VWA3B: variants seen among roughly 807,000 people sequenced by gnomAD.
VWA3B encodes von Willebrand factor A domain containing 3B, also known as von Willebrand factor A domain-containing protein 3B.
A neutral mutation model predicts 158.3 loss-of-function variants in VWA3B; 138 were observed. The observed-to-expected ratio is 0.87, with a 90% CI of 0.76 to 1.00. The LOEUF (loss-of-function observed/expected upper bound fraction) is 1.00, where lower values mean the gene tolerates loss of function less well. Ranked by LOEUF, VWA3B falls within the 50% of genes least tolerant of loss-of-function variation. The pLI, the probability that VWA3B is intolerant of heterozygous loss-of-function variation, is 0.00. For missense variants in VWA3B, 1,555 were observed against 1,565.1 expected (o/e 0.99, Z 0.11); for synonymous variants, 596 against 587.3 (o/e 1.01, Z -0.21).
intron 9 of VWA3B, among the ~76,000 whole-genome samples, chr2:98,184,805 C>T (rs1050760170): frequency 2.0e-5 from 3 of 152,220 alleles, no homozygotes; most frequent in Non-Finnish European, 4.4e-5. Context: ...GTGGTGGCCT[C>T]CTTGCTCCTG....
At chr2:98,213,668 G>T (rs548630186) in intron 13 of VWA3B, among the ~76,000 whole-genome samples, 13 of 152,280 alleles carry the variant, frequency 8.5e-5, no homozygotes, top group Non-Finnish European at 1.8e-4. Context: ...AAGTAGGCTT[G>T]GGGGTGGCTG....
At chr2:98,153,633 C>T (rs1488354296) in intron 7 of VWA3B, among the ~76,000 whole-genome samples, 3 of 152,162 alleles carry the variant, frequency 2.0e-5, no homozygotes, top group African/African-American at 4.8e-5. Flanking sequence ...TTTCTAATCT[C>T]CAATTTAATT....
intron 12 of VWA3B, chr2:98,207,529 C>A: frequency 5.8e-6 from 3 of 519,920 alleles, no homozygotes; most frequent in Non-Finnish European, 7.7e-6. Flanking sequence ...GATAATACAA[C>A]GTTTCTTGTC....
chr2:98,209,569 C>T (rs1400506393), intron 12 of VWA3B, among the ~76,000 whole-genome samples: 1 of 152,130 alleles, frequency 6.6e-6, no homozygotes, highest in Non-Finnish European at 1.5e-5. Context: ...CGTGAGCCAC[C>T]GCGCCCAGGC....
chr2:98,228,258 G>A lies in VWA3B; in HGVS notation c.2076G>A (p.Glu692=), dbSNP rs1338669830. ...KEMEQGHSDL[E]KMQDLYSESL... ...TGGAACAGGGTCACAGTGATCTGGA[G>A]AAGATGCAAGACCTTTATTCTGAGT... The change falls in exon 15 of 28, where the codon GAG becomes GAA. Residue 692 remains glutamate (E), a synonymous_variant. Transcript: ENST00000477737. The A allele has an allele frequency of 6.8e-6, 11 of 1,614,020 alleles. No homozygotes were observed. The African/African-American group carries it at 1.5e-4, about 22-fold the overall frequency.
chr2:98,218,871 G>A (rs1486755350), intron 14 of VWA3B, among the ~76,000 whole-genome samples: 1 of 152,204 alleles, frequency 6.6e-6, no homozygotes, highest in Non-Finnish European at 1.5e-5. Flanking sequence ...GCTGGGAAGA[G>A]TGCTCCCACT....
At chr2:98,245,511 A>G (rs745464448) in intron 19 of VWA3B, 25 of 456,178 alleles carry the variant, frequency 5.5e-5, no homozygotes, top group South Asian at 3.7e-4. Context: ...GAGGACGGAG[A>G]GTGGGTGCAC....
chr2:98,321,514 C>T, the VWA3B span, among the ~76,000 whole-genome samples: 1 of 152,202 alleles, frequency 6.6e-6, no homozygotes, highest in Non-Finnish European at 1.5e-5. Flanking sequence ...CAGAGCTGCC[C>T]AAGGCCGGGG....
intron 2 of VWA3B, among the ~76,000 whole-genome samples, chr2:98,112,954 C>CT (rs1002829144): frequency 6.6e-6 from 1 of 151,810 alleles, no homozygotes; most frequent in Admixed American, 6.6e-5. Context: ...AGATATTGTA[C>CT]TTTTTGTTCT....
intron 25 of VWA3B, among the ~76,000 whole-genome samples, chr2:98,301,576 TG>T (rs1193125686): frequency 2.6e-5 from 4 of 152,212 alleles, no homozygotes; most frequent in South Asian, 2.1e-4. Flanking sequence ...CTGCAGAGGT[TG>T]GCAGCATCAC....
At chr2:98,102,673 C>G (rs971259259) in intron 2 of VWA3B, among the ~76,000 whole-genome samples, 2 of 152,192 alleles carry the variant, frequency 1.3e-5, no homozygotes, top group Non-Finnish European at 2.9e-5. Context: ...AGAGATATTG[C>G]TCCGTAACTT....
At chr2:98,303,950 A>C in intron 26 of VWA3B, 148 bp downstream of exon 26, 1 of 743,260 alleles carries the variant, frequency 1.3e-6, no homozygotes, top group Non-Finnish European at 2.2e-6. Flanking sequence ...CTCTGTGTTT[A>C]TTATTCCTTC....
intron 4 of VWA3B, among the ~76,000 whole-genome samples, chr2:98,120,613 C>T (rs1674882675): frequency 6.6e-6 from 1 of 152,216 alleles, no homozygotes; most frequent in Non-Finnish European, 1.5e-5. Flanking sequence ...GCCAGCCCTG[C>T]TTCTGGTGGC....
At chr2:98,217,077 G>C (rs1684088772) in intron 13 of VWA3B, 1 of 960,068 alleles carries the variant, frequency 1.0e-6, no homozygotes, top group African/African-American at 1.7e-5. Flanking sequence ...GGCAGAGGGT[G>C]GGGGTTCCCC....
Position 98,133,886 on chromosome 2 carries a change from G to A in VWA3B, c.935G>A (p.Gly312Asp). Residue 312 changes from glycine (G) to aspartate (D), a missense_variant, in exon 7 of 28, where the codon GGT becomes GAT. Coordinates refer to ENST00000477737, the MANE Select transcript of VWA3B (RefSeq NM_144992.5). ...VEFPAFSTKD[G>D]DNVMTWNSRK... ...TTTCCTGCATTCTCCACAAAGGATG[G>A]TGACAATGTGATGACTTGGAATTCA... The A allele has an allele frequency of 1.9e-6, 3 of 1,614,110 alleles. No individual in the cohort carries two copies. Among genetic ancestry groups the A allele is most frequent in the Non-Finnish European group, 8.5e-7 (1 of 1,180,030 alleles).
At chr2:98,123,877 G>C (rs554418025) in intron 5 of VWA3B, among the ~76,000 whole-genome samples, 4 of 152,336 alleles carry the variant, frequency 2.6e-5, no homozygotes, top group African/African-American at 9.6e-5. Context: ...AGCTGCCTAA[G>C]AAGACCAAGG....
intron 22 of VWA3B, among the ~76,000 whole-genome samples, chr2:98,282,268 A>T (rs894997308): frequency 6.6e-6 from 1 of 150,796 alleles, no homozygotes; most frequent in African/African-American, 2.5e-5. Flanking sequence ...ATTGTGCTTC[A>T]TCTGTGGTAT....
intron 23 of VWA3B, among the ~76,000 whole-genome samples, chr2:98,292,810 C>T (rs1167404667): frequency 6.6e-6 from 1 of 151,862 alleles, no homozygotes; most frequent in African/African-American, 2.4e-5. Flanking sequence ...ACTAAAAATA[C>T]AGAATTAGCC....
intron 13 of VWA3B, among the ~76,000 whole-genome samples, chr2:98,215,270 G>A (rs1260612576): frequency 6.6e-6 from 1 of 151,486 alleles, no homozygotes; most frequent in East Asian, 2.0e-4. Context: ...GTGAAACCCC[G>A]TCTCTACTAA....
Sources: allele counts gnomAD v4.1 joint callset (sites outside exome capture counted in the v4.1 genomes callset), GRCh38; gene constraint gnomAD v4.1.1; transcripts MANE v1.5; gene names NCBI Gene and HGNC (gene_info 2026-07-23, HGNC 2026-07-21).